SRBD1: variants seen among roughly 807,000 people sequenced by gnomAD.
SRBD1 encodes the protein S1 RNA binding domain 1, also known as S1 RNA-binding domain-containing protein 1.
A neutral mutation model predicts 115.3 loss-of-function variants in SRBD1; 88 were observed. That is an observed-to-expected ratio of 0.76 (90% CI 0.64 to 0.91). SRBD1 has a LOEUF of 0.91. Ranked by LOEUF, SRBD1 falls within the 40% of genes least tolerant of loss-of-function variation. SRBD1 has a pLI of 0.00. For missense variants in SRBD1, 1,385 were observed against 1,177.4 expected (o/e 1.18, Z -2.58); for synonymous variants, 509 against 407.7 (o/e 1.25, Z -2.99).
At chr2:45,588,734 C>A (rs1673625453) in intron 4 of SRBD1, among the ~76,000 whole-genome samples, 1 of 152,166 alleles carries the variant, frequency 6.6e-6, no homozygotes, top group Non-Finnish European at 1.5e-5. Context: ...AAGATTTGGG[C>A]TGGAACTTCC....
chr2:45,501,534 T>G (rs1011860346), intron 14 of SRBD1, among the ~76,000 whole-genome samples: 14 of 152,118 alleles, frequency 9.2e-5, no homozygotes, highest in African/African-American at 2.9e-4. Flanking sequence ...GAATTCCCTT[T>G]CCTAGCCAAG....
intron 1 of SRBD1, among the ~76,000 whole-genome samples, chr2:45,609,716 G>A (rs1674385142): frequency 6.6e-6 from 1 of 152,190 alleles, no homozygotes; most frequent in Non-Finnish European, 1.5e-5. Flanking sequence ...CTGGCTCCTT[G>A]CATCCCTTAG....
chr2:45,489,863 T>A (rs984540588), intron 14 of SRBD1, among the ~76,000 whole-genome samples: 7 of 152,160 alleles, frequency 4.6e-5, no homozygotes, highest in African/African-American at 1.7e-4. Flanking sequence ...GAACTCATAT[T>A]TTTGTGCCAA....
At chr2:45,458,308 T>G (rs1211711968) in intron 16 of SRBD1, among the ~76,000 whole-genome samples, 1 of 152,102 alleles carries the variant, frequency 6.6e-6, no homozygotes, top group African/African-American at 2.4e-5. Context: ...TAAAACTAAA[T>G]GAAACAACAG....
At chr2:45,551,342 G>A in intron 11 of SRBD1, 60 bp from the exon 12 acceptor site, 1 of 1,479,674 alleles carries the variant, frequency 6.8e-7, no homozygotes, top group Non-Finnish European at 9.1e-7. Context: ...TTCCAGAAAA[G>A]GAGCAGAATT....
At chr2:45,569,957 C>A (rs1470084764) in intron 9 of SRBD1, among the ~76,000 whole-genome samples, 2 of 152,208 alleles carry the variant, frequency 1.3e-5, no homozygotes, top group African/African-American at 4.8e-5. Context: ...TACACATATA[C>A]CTTTCTTCAG....
rs1667050902 is a variant in SRBD1, at chr2:45,393,098, C to CAT, written c.2543_2544dup (p.Glu849MetfsTer12). On this transcript the variant is annotated frameshift_variant, in exon 20 of 21. Coordinates refer to ENST00000263736, the MANE Select transcript of SRBD1 (RefSeq NM_018079.5). LOFTEE classifies it high-confidence loss of function. ...TGTTGCATTTCAGGCTTTCCAACCT[C>CAT]ATACAGTGTCCCTCCAATGGATGAC... 6.2e-7 allele frequency: 1 copy of CAT among 1,612,388 alleles called. No homozygotes were observed. The highest frequency in any genetic ancestry group is 8.5e-7 in the Non-Finnish European group (1 of 1,179,486).
At chr2:45,502,719 A>G (rs994932754) in intron 14 of SRBD1, among the ~76,000 whole-genome samples, 1 of 152,022 alleles carries the variant, frequency 6.6e-6, no homozygotes, top group Non-Finnish European at 1.5e-5. Context: ...ATTAGGATAT[A>G]CCTAATGTAA....
intron 14 of SRBD1, among the ~76,000 whole-genome samples, chr2:45,494,114 G>C (rs1193083655): frequency 6.6e-6 from 1 of 152,040 alleles, no homozygotes; most frequent in Non-Finnish European, 1.5e-5. Context: ...ATTTAATTAA[G>C]CTTTCATTAA....
chr2:45,563,028 TCTA>T (rs2104105721), intron 9 of SRBD1, among the ~76,000 whole-genome samples: 1 of 152,328 alleles, frequency 6.6e-6, no homozygotes, highest in African/African-American at 2.4e-5. Flanking sequence ...CATTTCAGAT[TCTA>T]CTAATTGAAA....
chr2:45,577,389 T>G lies in SRBD1; in HGVS notation c.1072+2486A>C, dbSNP rs536429110. Among the ~76,000 whole-genome samples, 7 of 152,208 alleles carry G rather than the reference T, an allele frequency of 4.6e-5. No individual in the cohort carries two copies. In the East Asian group the frequency reaches 1.4e-3, roughly 29 times the overall value. On this transcript the variant is annotated intron_variant, in intron 7 of 20. Transcript: ENST00000263736. ...AAATATGGTACACAGAACCAGAAAATCATATCCTTTGCCTTACAATGAAAT... is the reference window on the plus strand; with the variant it reads ...AAATATGGTACACAGAACCAGAAAAGCATATCCTTTGCCTTACAATGAAAT...
At chr2:45,404,677 C>T (rs551510546) in intron 19 of SRBD1, among the ~76,000 whole-genome samples, 1 of 152,248 alleles carries the variant, frequency 6.6e-6, no homozygotes, top group East Asian at 1.9e-4. Context: ...AACTGGTCTC[C>T]CTGCTTCTAC....
intron 14 of SRBD1, among the ~76,000 whole-genome samples, chr2:45,511,777 C>G (rs1670978807): frequency 6.6e-6 from 1 of 152,166 alleles, no homozygotes; most frequent in Non-Finnish European, 1.5e-5. Flanking sequence ...TTTAAAGTCT[C>G]CATTCCCAGA....
At chr2:45,554,320 A>C (rs978931600) in intron 10 of SRBD1, among the ~76,000 whole-genome samples, 1 of 152,248 alleles carries the variant, frequency 6.6e-6, no homozygotes, top group African/African-American at 2.4e-5. Flanking sequence ...TGGACTTCTC[A>C]GCCTCCAGAA....
chr2:45,585,861 G>A, intron 4 of SRBD1, 87 bp from the exon 5 acceptor site: 1 of 1,092,614 alleles, frequency 9.2e-7, no homozygotes, highest in Non-Finnish European at 1.3e-6. Context: ...ATCAAATAAT[G>A]TTCTCCAGTG....
rs59451865 is a variant in SRBD1, at chr2:45,445,550, T to TAAAAAA, written c.2050-25662_2050-25657dup. 2.1e-3 allele frequency among the ~76,000 whole-genome samples: 76 copies of TAAAAAA among 37,028 alleles called. 5 individuals are homozygous for TAAAAAA. The highest frequency in any genetic ancestry group is 0.013 in the East Asian group (13 of 990). 24.3% of individuals were successfully genotyped at this position (37,028 alleles called of 152,430 possible). On this transcript the variant is annotated intron_variant, in intron 16 of 20. Coordinates refer to ENST00000263736, the MANE Select transcript of SRBD1 (RefSeq NM_018079.5). ...CACAGAAGCAATATCTTCCCAGAGGTAAAAAAAAAAAAAAAAAAAAAAAAA... is the reference window on the plus strand; with the variant it reads ...CACAGAAGCAATATCTTCCCAGAGGTAAAAAAAAAAAAAAAAAAAAAAAAAAAAAAA...
In SRBD1 at chr2:45,602,000, G is replaced by A. The variant is rs778091794; in HGVS notation, c.164C>T (p.Pro55Leu). 6.2e-7 allele frequency: 1 copy of A among 1,614,222 alleles called. No homozygotes were observed. Among genetic ancestry groups the A allele is most frequent in the Admixed American group, 1.7e-5 (1 of 60,026 alleles). The change falls in exon 3 of 21, where the codon CCT (proline) becomes CTT (leucine). Residue 55 changes from proline (P) to leucine (L), a missense_variant. By Grantham distance (98) the Pro-to-Leu change is moderately conservative. Transcript: ENST00000263736. ...CCTCTTTGGTTTGGATTCCTTGGGA[G>A]GGGGCTGTTTACGGCTTCTGGGAAC... ...KKVPRSRKQP[P>L]PKESKPKRMP...
At chr2:45,501,473 A>C (rs1572707591) in intron 14 of SRBD1, among the ~76,000 whole-genome samples, 1 of 152,240 alleles carries the variant, frequency 6.6e-6, no homozygotes, top group Admixed American at 6.5e-5. Context: ...ACCAAGCGTG[A>C]GGTGAAGCAG....
At position 45,599,329 on chromosome 2, in the gene SRBD1, T is replaced by C. The variant is rs1023498280; in HGVS notation, c.648+120A>G. The C allele has an allele frequency of 1.8e-5, 25 of 1,391,112 alleles. No individual in the cohort carries two copies. In the African/African-American group the frequency reaches 3.6e-4, roughly 20 times the overall value. 86.2% of individuals were successfully genotyped at this position (1,391,112 alleles called of 1,614,324 possible). A position where few individuals can be genotyped will look rare whatever the true frequency, so the allele number is the denominator to read the frequency against. On this transcript the variant is annotated intron_variant, in intron 4 of 20. Coordinates refer to ENST00000263736, the MANE Select transcript of SRBD1 (RefSeq NM_018079.5). ...AAGTAGGAAAGCCTCCAGAAATCAC[T>C]GGCAAAACTGAAGAGAGAATTGAAA...
Sources: gnomAD v4.1 joint callset for allele counts (sites outside exome capture counted in the v4.1 genomes callset) on GRCh38, gnomAD v4.1.1 for gene constraint, MANE v1.5 for transcripts, NCBI Gene and HGNC (gene_info 2026-07-23, HGNC 2026-07-21) for gene names.